Variants in GNG12 observed in about 807,000 individuals in gnomAD.
GNG12 encodes the protein G protein subunit gamma 12, also known as guanine nucleotide-binding protein G(I)/G(S)/G(O) subunit gamma-12.
For missense variants in GNG12, 69 were observed against 83.8 expected (o/e 0.82, Z 0.69); for synonymous variants, 28 against 29.7 (o/e 0.94, Z 0.19).
chr1:67,792,742 T>C (rs755248986), intron 1 of GNG12, among the ~76,000 whole-genome samples: 1 of 152,124 alleles, frequency 6.6e-6, no homozygotes, highest in Non-Finnish European at 1.5e-5. Flanking sequence ...TGTTGTATGG[T>C]TCCATGCAGT....
chr1:67,793,388 T>G (rs1239261148), intron 1 of GNG12, among the ~76,000 whole-genome samples: 1 of 152,226 alleles, frequency 6.6e-6, no homozygotes, highest in Non-Finnish European at 1.5e-5. Context: ...TCCATGTATT[T>G]CTTTAAAGCT....
chr1:67,789,740 G>T (rs112487020), intron 1 of GNG12, among the ~76,000 whole-genome samples: 1 of 152,176 alleles, frequency 6.6e-6, no homozygotes, highest in Non-Finnish European at 1.5e-5. Context: ...AACAAGAGCC[G>T]GAAGGGTTTG....
intron 2 of GNG12, among the ~76,000 whole-genome samples, chr1:67,717,481 A>G (rs1470585515): frequency 6.7e-6 from 1 of 149,690 alleles, no homozygotes; most frequent in East Asian, 2.0e-4. Flanking sequence ...GCACCATTGC[A>G]CTCCAGCCTG....
Position 67,798,244 on chromosome 1 carries a change from T to A in GNG12, c.-76-20737A>T, listed in dbSNP as rs115134010. Among the ~76,000 whole-genome samples the A allele has an allele frequency of 5.1e-3, 775 of 152,240 alleles. 7 individuals carry two copies. Among genetic ancestry groups the A allele is most frequent in the African/African-American group, 0.018 (741 of 41,548 alleles). Reference sequence around the variant, plus strand: ...GCTTCCTGTGGACTCAGCGGCAGCATCAATTTCTTAGGAAGCACGAACCCT... The same window carrying A: ...GCTTCCTGTGGACTCAGCGGCAGCAACAATTTCTTAGGAAGCACGAACCCT... On this transcript the variant is annotated intron_variant, in intron 1 of 3. Transcript: ENST00000370982.
chr1:67,782,927 T>C (rs1000148103), intron 1 of GNG12, among the ~76,000 whole-genome samples: 1 of 152,190 alleles, frequency 6.6e-6, no homozygotes, highest in African/African-American at 2.4e-5. Flanking sequence ...GTTTATATGC[T>C]ATTAGTAGTA....
At chr1:67,770,266 G>A (rs527813620) in intron 2 of GNG12, among the ~76,000 whole-genome samples, 2 of 152,204 alleles carry the variant, frequency 1.3e-5, no homozygotes, top group African/African-American at 4.8e-5. Flanking sequence ...TGATTCCTAC[G>A]GTTTCCAAGG....
intron 1 of GNG12, among the ~76,000 whole-genome samples, chr1:67,798,997 A>C (rs1057273551): frequency 5.9e-5 from 9 of 151,926 alleles, no homozygotes; most frequent in Admixed American, 4.6e-4. Flanking sequence ...TAGTCAATAT[A>C]TTTTCTCCTC....
At chr1:67,819,461 T>G (rs1646973130) in intron 1 of GNG12, among the ~76,000 whole-genome samples, 1 of 152,120 alleles carries the variant, frequency 6.6e-6, no homozygotes, top group Admixed American at 6.6e-5. Flanking sequence ...ACCACTTTCC[T>G]CCTCCTCTTT....
At chr1:67,797,796 A>T (rs948369811) in intron 1 of GNG12, among the ~76,000 whole-genome samples, 9 of 152,178 alleles carry the variant, frequency 5.9e-5, no homozygotes, top group Non-Finnish European at 1.3e-4. Context: ...GCGGGCACAT[A>T]GCATTTAACG....
At chr1:67,771,703 G>GA (rs1646675717) in intron 2 of GNG12, among the ~76,000 whole-genome samples, 1 of 152,276 alleles carries the variant, frequency 6.6e-6, no homozygotes, top group East Asian at 1.9e-4. Flanking sequence ...CAGGCGACAG[G>GA]AAAAACTCAG....
chr1:67,793,926 C>T (rs934160797), intron 1 of GNG12, among the ~76,000 whole-genome samples: 1 of 152,182 alleles, frequency 6.6e-6, no homozygotes, highest in African/African-American at 2.4e-5. Context: ...CACTTGACTC[C>T]AGAAAATATT....
chr1:67,826,090 A>G (rs1229081224), intron 1 of GNG12, among the ~76,000 whole-genome samples: 3 of 151,922 alleles, frequency 2.0e-5, no homozygotes, highest in African/African-American at 7.3e-5. Context: ...TGAAGTTTAT[A>G]TGTTTCCCAA....
chr1:67,755,163 T>C (rs1415040543), intron 2 of GNG12, among the ~76,000 whole-genome samples: 1 of 152,258 alleles, frequency 6.6e-6, no homozygotes, highest in Non-Finnish European at 1.5e-5. Context: ...GGAGGAGAGC[T>C]TGCTGATGCT....
At chr1:67,806,016 G>A (rs1005489880) in intron 1 of GNG12, among the ~76,000 whole-genome samples, 29 of 151,424 alleles carry the variant, frequency 1.9e-4, no homozygotes, top group Admixed American at 3.9e-4. Context: ...GAAAAAAAAC[G>A]AACCTAGAAT....
chr1:67,773,367 C>A (rs1646685749), intron 2 of GNG12, among the ~76,000 whole-genome samples: 1 of 152,164 alleles, frequency 6.6e-6, no homozygotes. Flanking sequence ...ATCCTGCACT[C>A]CTGCTCACCT....
chr1:67,807,498 G>A (rs1000704836), intron 1 of GNG12, among the ~76,000 whole-genome samples: 1 of 148,050 alleles, frequency 6.8e-6, no homozygotes, highest in Non-Finnish European at 1.5e-5. Context: ...AAATTAAACA[G>A]AAAAAAAAAT....
intron 2 of GNG12, among the ~76,000 whole-genome samples, chr1:67,744,273 C>T (rs1646497062): frequency 6.6e-6 from 1 of 152,126 alleles, no homozygotes; most frequent in African/African-American, 2.4e-5. Context: ...AGATCAACTC[C>T]AAACTTTTGC....
At chr1:67,726,587 T>A (rs980756526) in intron 2 of GNG12, among the ~76,000 whole-genome samples, 3 of 152,240 alleles carry the variant, frequency 2.0e-5, no homozygotes, top group Non-Finnish European at 4.4e-5. Flanking sequence ...ACAAATGAGA[T>A]GATGTCACAT....
chr1:67,762,904 G>C (rs531936055), intron 2 of GNG12, among the ~76,000 whole-genome samples: 6 of 152,166 alleles, frequency 3.9e-5, no homozygotes, highest in African/African-American at 1.4e-4. Context: ...ATACTCTGCT[G>C]CACAACTTTA....
Sources: allele counts gnomAD v4.1 joint callset (sites outside exome capture counted in the v4.1 genomes callset), GRCh38; gene constraint gnomAD v4.1.1; transcripts MANE v1.5; gene names NCBI Gene and HGNC (gene_info 2026-07-23, HGNC 2026-07-21).